VAV2: variants seen among roughly 807,000 people sequenced by gnomAD.
VAV2 encodes guanine nucleotide exchange factor VAV2.
A neutral mutation model predicts 132.5 loss-of-function variants in VAV2; 67 were observed. The ratio of observed to expected loss-of-function variants is 0.51; its 90% CI spans 0.42 to 0.62. The LOEUF (loss-of-function observed/expected upper bound fraction) is 0.62, where lower values mean the gene tolerates loss of function less well. Among genes scored for constraint, VAV2 ranks in the 20% least tolerant of loss-of-function variants. The probability of loss-of-function intolerance (pLI) is 0.00; values close to 1 mark genes in which losing one functional copy is unlikely to be tolerated. For synonymous variants in VAV2, 492 were observed against 443.5 expected, an observed-to-expected ratio of 1.11 and a Z score of -1.37; for missense variants, 938 against 1,153.6, an observed-to-expected ratio of 0.81 and a Z score of 2.71.
chr9:133,936,388 G>A (rs373962261), intron 2 of VAV2, among the ~76,000 whole-genome samples: 2 of 151,754 alleles, frequency 1.3e-5, no homozygotes, highest in South Asian at 2.1e-4. Context: ...GATTACATAC[G>A]CCCACCAGCA....
intron 18 of VAV2, among the ~76,000 whole-genome samples, chr9:133,783,876 CGTTTTTTTT>C: frequency 8.0e-6 from 1 of 125,008 alleles, no homozygotes; most frequent in African/African-American, 3.1e-5. Context: ...TTGGCTGGGC[CGTTTTTTTT>C]TTTTTTTTTT....
At chr9:133,980,347 C>T (rs190408302) in intron 1 of VAV2, among the ~76,000 whole-genome samples, 3 of 152,346 alleles carry the variant, frequency 2.0e-5, no homozygotes, top group Non-Finnish European at 2.9e-5. Context: ...AGGGCAGAGC[C>T]GCCCCCACCT....
At position 133,804,439 on chromosome 9, in the gene VAV2, G is replaced by A. The variant is rs934754032; in HGVS notation, c.836+1642C>T. Among the ~76,000 whole-genome samples the A allele has an allele frequency of 5.3e-5, 8 of 152,202 alleles. No individual in the cohort carries two copies. The highest frequency in any genetic ancestry group is 1.7e-4 in the African/African-American group (7 of 41,446). On this transcript the variant is annotated intron_variant, in intron 9 of 29. Coordinates refer to ENST00000371850, the MANE Select transcript of VAV2 (RefSeq NM_001134398.2). This position sits in a 1 kb window ranked among gnomAD's most constrained non-coding sequence, Gnocchi z 4.5. ...GCAGAGATGCCCGCTGTTCCTCAGC[G>A]GGAACCACCCATGCAAGGTCCTGCT...
rs554698032 is a variant in VAV2, at chr9:133,924,871, A to C, written c.321+14232T>G. Among the ~76,000 whole-genome samples, 122 of 152,368 alleles carry C rather than the reference A, an allele frequency of 8.0e-4. 1 individual carries two copies. Among genetic ancestry groups the C allele is most frequent in the African/African-American group, 2.9e-3 (121 of 41,584 alleles). ...AAGCTGTGGTCGATCCAAACAGTAA[A>C]ATATGATTCAGTCACAAAAAGGAAT... On this transcript the variant is annotated intron_variant, in intron 2 of 29. Transcript: ENST00000371850.
chr9:133,862,859 A>C (rs931857202), intron 2 of VAV2, among the ~76,000 whole-genome samples: 13 of 152,208 alleles, frequency 8.5e-5, no homozygotes, highest in Admixed American at 7.2e-4. Context: ...AGCAATTTTC[A>C]AAAGGGGAAG....
chr9:133,789,107 A>C, intron 14 of VAV2, 151 bp downstream of exon 14: 3 of 801,360 alleles, frequency 3.7e-6, no homozygotes, highest in Non-Finnish European at 6.0e-6. Context: ...GAAGGAAGGA[A>C]GCAATTAAAA....
At chr9:133,854,723 AAT>A (rs1837321723) in intron 3 of VAV2, among the ~76,000 whole-genome samples, 2 of 152,202 alleles carry the variant, frequency 1.3e-5, no homozygotes, top group African/African-American at 4.8e-5. Flanking sequence ...GAAGGAGTTT[AAT>A]GTCTTCCAAT....
At chr9:133,939,458 C>T (rs73662348) in intron 1 of VAV2, among the ~76,000 whole-genome samples, 161 of 152,162 alleles carry the variant, frequency 1.1e-3, no homozygotes, top group African/African-American at 3.5e-3. Context: ...GCTCCACATC[C>T]GAGGGTGTAG....
rs376980287 is a variant in VAV2 at position 133,828,124 on chromosome 9, A to G, written c.449+6148T>C. On this transcript the variant is annotated intron_variant, in intron 4 of 29. Transcript: ENST00000371850. ...GGGCTGACCACTGAGCGGGGGCATC[A>G]CCACCTACCGCTGCGCCCACTGAGG... Among the ~76,000 whole-genome samples, 3 of 920 alleles carry G rather than the reference A, an allele frequency of 3.3e-3. 1 individual carries two copies. The highest frequency in any genetic ancestry group is 4.8e-3 in the Non-Finnish European group (3 of 628). The allele number at this position is 920 out of a possible 152,430, so 0.6% of individuals were successfully genotyped here.
chr9:133,780,012 C>T (rs1833950990), intron 20 of VAV2, 73 bp from the exon 21 acceptor site: 11 of 1,591,962 alleles, frequency 6.9e-6, no homozygotes, highest in South Asian at 6.8e-5. Flanking sequence ...ATCAACGCAC[C>T]CCGCCCTCCC....
At chr9:133,861,151 T>C in intron 3 of VAV2, 1 of 482,104 alleles carries the variant, frequency 2.1e-6, no homozygotes, top group Non-Finnish European at 3.7e-6. Context: ...TTTGCAGCCG[T>C]CAGTAACATG....
chr9:133,947,998 C>T (rs1680278753), intron 1 of VAV2, among the ~76,000 whole-genome samples: 1 of 152,090 alleles, frequency 6.6e-6, no homozygotes. Flanking sequence ...CCCACGTTGG[C>T]CAGGCTCGTC....
intron 2 of VAV2, among the ~76,000 whole-genome samples, chr9:133,886,700 C>T (rs1016238946): frequency 2.6e-5 from 4 of 152,232 alleles, no homozygotes; most frequent in Non-Finnish European, 4.4e-5. Flanking sequence ...TTACACACCC[C>T]GCCAAGACCT....
rs543349424 is a variant in VAV2 at position 133,837,922 on chromosome 9, T to C, written c.381-3582A>G. Among the ~76,000 whole-genome samples, 5 of 152,270 alleles carry C rather than the reference T, an allele frequency of 3.3e-5. No homozygotes were observed. The East Asian group carries it at 9.7e-4, about 29-fold the overall frequency. On this transcript the variant is annotated intron_variant, in intron 3 of 29. Transcript: ENST00000371850. ...TTTACTACTTTTATTCTAAGATCCC[T>C]ATTTGAGGCCACAAATCCCCTTGAG...
At chr9:133,819,946 A>G (rs977204318) in intron 4 of VAV2, among the ~76,000 whole-genome samples, 7 of 152,262 alleles carry the variant, frequency 4.6e-5, no homozygotes, top group African/African-American at 1.7e-4. Flanking sequence ...TGATAAAACA[A>G]TGTTAATAAT....
chr9:133,847,279 G>A (rs1002266695), intron 3 of VAV2, among the ~76,000 whole-genome samples: 1 of 152,198 alleles, frequency 6.6e-6, no homozygotes, highest in African/African-American at 2.4e-5. Context: ...GAGGATCCAA[G>A]AACAAAATTC....
At position 133,889,767 on chromosome 9, in the gene VAV2, A is replaced by T. The variant is rs1006883350; in HGVS notation, c.322-28335T>A. 1.6e-4 allele frequency among the ~76,000 whole-genome samples: 25 copies of T among 151,692 alleles called. No individual in the cohort carries two copies. In the South Asian group the frequency reaches 2.3e-3, roughly 14 times the overall value. ...TTTCATTTACACACACACACAAAAA[A>T]TTTTTTTCTTCTCTGTCCCCCGTTA... On this transcript the variant is annotated intron_variant, in intron 2 of 29. Transcript: ENST00000371850.
intron 21 of VAV2, among the ~76,000 whole-genome samples, chr9:133,779,526 T>C (rs1254614443): frequency 6.6e-6 from 1 of 152,246 alleles, no homozygotes; most frequent in Non-Finnish European, 1.5e-5. Flanking sequence ...CGATGCTTTT[T>C]ACGCTGTGTC....
intron 24 of VAV2, among the ~76,000 whole-genome samples, chr9:133,775,501 T>C (rs1410488306): frequency 6.6e-6 from 1 of 152,208 alleles, no homozygotes; most frequent in Non-Finnish European, 1.5e-5. Context: ...CCAACATCCA[T>C]GTCAGTTGAA....
Sources: allele counts gnomAD v4.1 joint callset (sites outside exome capture counted in the v4.1 genomes callset), GRCh38; gene constraint gnomAD v4.1.1; non-coding constraint Gnocchi (gnomAD v3.1); transcripts MANE v1.5; gene names NCBI Gene and HGNC (gene_info 2026-07-23, HGNC 2026-07-21).